Variants in DNMT3A observed in about 807,000 individuals in gnomAD.
DNMT3A encodes the protein DNA methyltransferase 3 alpha.
DNMT3A carries 267 observed loss-of-function variants against 117.6 expected under a neutral mutation model. The ratio of observed to expected loss-of-function variants is 2.27; its 90% CI spans 2.05 to 2.51. The LOEUF is 2.51. DNMT3A is among the 30% of genes most tolerant of loss of function. DNMT3A has a pLI of 0.00. For synonymous variants in DNMT3A, 432 were observed against 474.8 expected, an observed-to-expected ratio of 0.91 and a Z score of 1.17; for missense variants, 1,029 against 1,260.2, an observed-to-expected ratio of 0.82 and a Z score of 2.78.
chr2:25,229,191 G>A lies in DNMT3A; in HGVS notation c.*5088C>T, dbSNP rs1358053591. 8 of 152,316 alleles carry A rather than the reference G, an allele frequency of 5.3e-5. No homozygotes were observed. The highest frequency in any genetic ancestry group is 2.6e-4 in the Admixed American group (4 of 15,284). The allele number at this position is 152,316 out of a possible 1,614,324, so 9.4% of individuals were successfully genotyped here. On this transcript the variant is annotated 3_prime_UTR_variant, in exon 23 of 23. Transcript: ENST00000321117. ...GACCCTGGCCTGCCTTTACCAAAAC[G>A]TAAAGATTCCAGAGCTCACACTACA...
At position 25,244,265 on chromosome 2, in the gene DNMT3A, A is replaced by T; in HGVS notation, c.1741T>A (p.Trp581Arg). The T allele has an allele frequency of 1.9e-6, 3 of 1,613,782 alleles. No homozygotes were observed. Among genetic ancestry groups the T allele is most frequent in the Non-Finnish European group, 2.5e-6 (3 of 1,179,900 alleles). ...AAQAAIKEDP[W>R]NCYMCGHKGT... The stretch of plus-strand genomic sequence containing the variant: ...TTGTGCCCGCACATGTAGCAGTTCC[A>T]GGGGTCTTCCTTAATGGCTGCCTGG... The change falls in exon 15 of 23, where the codon TGG (tryptophan) becomes AGG (arginine). Residue 581 changes from tryptophan to arginine, a missense_variant. Trp to Arg is a moderately radical substitution (Grantham distance 101). Coordinates refer to ENST00000321117, the MANE Select transcript of DNMT3A (RefSeq NM_022552.5).
chr2:25,259,119 C>T (rs1403078708), intron 6 of DNMT3A, among the ~76,000 whole-genome samples: 1 of 152,224 alleles, frequency 6.6e-6, no homozygotes, highest in Non-Finnish European at 1.5e-5. Context: ...CCAATAGATG[C>T]GCCATCAGGC....
intron 1 of DNMT3A, among the ~76,000 whole-genome samples, chr2:25,316,043 T>A (rs1188041732): frequency 6.6e-6 from 1 of 152,108 alleles, no homozygotes; most frequent in Non-Finnish European, 1.5e-5. Flanking sequence ...CCCCTTCTAT[T>A]AATAGCTCTG....
intron 1 of DNMT3A, among the ~76,000 whole-genome samples, chr2:25,323,745 C>T (rs1014765519): frequency 6.6e-6 from 1 of 152,216 alleles, no homozygotes; most frequent in Non-Finnish European, 1.5e-5. Context: ...CAGGCAGGAG[C>T]TTGTACTTAA....
intron 6 of DNMT3A, among the ~76,000 whole-genome samples, chr2:25,269,505 G>A (rs904457061): frequency 2.6e-5 from 4 of 152,218 alleles, no homozygotes; most frequent in African/African-American, 4.8e-5. Context: ...GAAGGAGCAT[G>A]GCAATGTCCC....
At chr2:25,277,426 G>A (rs1033405737) in intron 4 of DNMT3A, among the ~76,000 whole-genome samples, 8 of 151,836 alleles carry the variant, frequency 5.3e-5, no homozygotes, top group Non-Finnish European at 1.2e-4. Context: ...GCGATCAGGT[G>A]GCGGCCTGGG....
chr2:25,230,713 C>T lies in DNMT3A; in HGVS notation c.*3566G>A, dbSNP rs1397872069. 1 of 146,388 alleles carries T rather than the reference C, an allele frequency of 6.8e-6. No homozygotes were observed. The highest frequency in any genetic ancestry group is 1.5e-5 in the Non-Finnish European group (1 of 67,676). 9.1% of individuals were successfully genotyped at this position (146,388 alleles called of 1,614,324 possible). On this transcript the variant is annotated 3_prime_UTR_variant, in exon 23 of 23. Transcript: ENST00000321117. Reference sequence around the variant, plus strand: ...GCACAATCCCAAAGCCCCACACTCTCCTAAATTCTACTGTGAGACCAAGCA... The same window carrying T: ...GCACAATCCCAAAGCCCCACACTCTTCTAAATTCTACTGTGAGACCAAGCA...
Position 25,281,835 on chromosome 2 carries a change from C to G in DNMT3A, c.448+606G>C. 9.4e-7 allele frequency: 1 copy of G among 1,067,590 alleles called. No individual in the cohort carries two copies. 66.1% of individuals were successfully genotyped at this position (1,067,590 alleles called of 1,614,324 possible). On this transcript the variant is annotated intron_variant, in intron 4 of 22. Transcript: ENST00000321117. The surrounding 1 kb of genome is among the most constrained non-coding windows in gnomAD (Gnocchi z 4.8). The stretch of plus-strand genomic sequence containing the variant: ...ATGAAGAGGCCTGGGCTGGGCAGTA[C>G]ACAGAATACAATCACCCAGCCCTCT...
rs1235372788 is a variant in DNMT3A at position 25,236,633 on chromosome 2, AATAGGTT to A, written c.2478+296_2478+302del. On this transcript the variant is annotated intron_variant, in intron 21 of 22. Transcript: ENST00000321117. The surrounding 1 kb of genome is among the most constrained non-coding windows in gnomAD (Gnocchi z 4.5). ...AGGAGGCTGCTTTGAGGGCTTTTGT[AATAGGTT>A]TTGGCCAAAAAATTTAAAAATGAAA... is the stretch of plus-strand genomic sequence containing the variant. 6.6e-6 allele frequency among the ~76,000 whole-genome samples: 1 copy of A among 152,066 alleles called. No individual in the cohort carries two copies. The highest frequency in any genetic ancestry group is 1.9e-4 in the East Asian group (1 of 5,184).
chr2:25,262,906 C>T (rs936326768), intron 6 of DNMT3A, among the ~76,000 whole-genome samples: 2 of 152,108 alleles, frequency 1.3e-5, no homozygotes, highest in Non-Finnish European at 2.9e-5. Flanking sequence ...TTCTCTTTGC[C>T]CTCAGTAGTT....
Position 25,247,964 on chromosome 2 carries a change from AGCAGGACGGGAGGAGCTG to A in DNMT3A, c.855+55_855+72del, listed in dbSNP as rs1348541134. 22 of 1,598,160 alleles carry A rather than the reference AGCAGGACGGGAGGAGCTG, an allele frequency of 1.4e-5. No homozygotes were observed. The East Asian group carries it at 4.2e-4, about 31-fold the overall frequency. On this transcript the variant is annotated intron_variant, in intron 7 of 22. Coordinates refer to ENST00000321117, the MANE Select transcript of DNMT3A (RefSeq NM_022552.5). This position sits in a 1 kb window ranked among gnomAD's most constrained non-coding sequence, Gnocchi z 5.6. ...GGCCCGTGGGAGATGGAGAGAGGAG[AGCAGGACGGGAGGAGCTG>A]GCAGTGGAAGGCCCCCGGAAAGAGC...
At chr2:25,318,675 A>G (rs2034472237) in intron 1 of DNMT3A, among the ~76,000 whole-genome samples, 1 of 152,012 alleles carries the variant, frequency 6.6e-6, no homozygotes, top group South Asian at 2.1e-4. Flanking sequence ...AGAGTAAAAT[A>G]AAGACATTTT....
intron 3 of DNMT3A, among the ~76,000 whole-genome samples, chr2:25,285,119 GC>G (rs2032202442): frequency 6.6e-6 from 1 of 152,178 alleles, no homozygotes; most frequent in African/African-American, 2.4e-5. Flanking sequence ...AAGTGGTCAG[GC>G]CGGGTGAAAG....
intron 10 of DNMT3A, 42 bp downstream of exon 10, chr2:25,246,578 C>T: frequency 6.3e-7 from 1 of 1,587,530 alleles, no homozygotes; most frequent in Non-Finnish European, 8.6e-7. Context: ...GTGGATCTGC[C>T]TGGCGGGCAG....
rs2033678281 is a variant in DNMT3A at position 25,304,423 on chromosome 2, C to T, written c.73-4180G>A. Among the ~76,000 whole-genome samples the T allele has an allele frequency of 6.6e-6, 1 of 152,328 alleles. No individual in the cohort carries two copies. Among genetic ancestry groups the T allele is most frequent in the Non-Finnish European group, 1.5e-5 (1 of 68,026 alleles). On this transcript the variant is annotated intron_variant, in intron 2 of 22. Transcript: ENST00000321117. This position sits in a 1 kb window ranked among gnomAD's most constrained non-coding sequence, Gnocchi z 4.3. ...GCTCCACACATCCTGATTCGTACTTCACTCCCACTCCATCCTCCCCATCCC... is the reference window on the plus strand; with the variant it reads ...GCTCCACACATCCTGATTCGTACTTTACTCCCACTCCATCCTCCCCATCCC...
intron 6 of DNMT3A, among the ~76,000 whole-genome samples, chr2:25,267,040 A>C (rs1248978063): frequency 6.6e-6 from 1 of 152,236 alleles, no homozygotes; most frequent in Non-Finnish European, 1.5e-5. Context: ...ATGGCTAAAT[A>C]AAACCATGGG....
intron 18 of DNMT3A, 42 bp from the exon 19 acceptor site, chr2:25,240,492 C>T (rs2149272826): frequency 1.9e-6 from 3 of 1,587,374 alleles, no homozygotes; most frequent in East Asian, 2.2e-5. Flanking sequence ...GGGCTGTCTG[C>T]ATAGGACAGT....
intron 2 of DNMT3A, among the ~76,000 whole-genome samples, chr2:25,307,756 C>T (rs2033862923): frequency 1.3e-5 from 2 of 152,182 alleles, no homozygotes; most frequent in Admixed American, 6.5e-5. Context: ...TGAGCCACTG[C>T]GCCTGGCCCA....
intron 1 of DNMT3A, among the ~76,000 whole-genome samples, chr2:25,315,395 C>G (rs2034330294): frequency 6.6e-6 from 1 of 152,212 alleles, no homozygotes. Context: ...ACAGGAAGAG[C>G]TCCATCAGGT....
Sources: gnomAD v4.1 joint callset for allele counts (sites outside exome capture counted in the v4.1 genomes callset) on GRCh38, gnomAD v4.1.1 for gene constraint, Gnocchi (gnomAD v3.1) non-coding constraint, MANE v1.5 for transcripts, NCBI Gene and HGNC (gene_info 2026-07-23, HGNC 2026-07-21) for gene names.